MYO1C: variants seen among roughly 807,000 people sequenced by gnomAD.
MYO1C encodes unconventional myosin-Ic.
A neutral mutation model predicts 150.8 loss-of-function variants in MYO1C; 104 were observed. That is an observed-to-expected ratio of 0.69 (90% confidence interval 0.59 to 0.81). The LOEUF is 0.81. Ranked by LOEUF, MYO1C falls within the 30% of genes least tolerant of loss-of-function variation. The pLI, the probability that MYO1C is intolerant of heterozygous loss-of-function variation, is 0.00. For missense variants in MYO1C, 1,504 were observed against 1,435.0 expected (o/e 1.05, Z -0.78); for synonymous variants, 663 against 579.9 (o/e 1.14, Z -2.06).
chr17:1,488,200 G>T (rs930253105), intron 1 of MYO1C, among the ~76,000 whole-genome samples: 1 of 152,152 alleles, frequency 6.6e-6, no homozygotes, highest in Non-Finnish European at 1.5e-5. Flanking sequence ...GAATCCGCGC[G>T]CGGAGGGGTC....
chr17:1,479,412 G>C lies in MYO1C; in HGVS notation c.1092+19C>G. 2 of 1,211,730 alleles carry C rather than the reference G, an allele frequency of 1.7e-6. No individual in the cohort carries two copies. The highest frequency in any genetic ancestry group is 2.4e-6 in the Non-Finnish European group (2 of 844,752). 75.1% of individuals were successfully genotyped at this position (1,211,730 alleles called of 1,614,324 possible). ...GAACAGCTGCCCCTCCACACCCGAGGGCAAGGGCCCGGCCTCACCTCCTCC... is the reference window on the plus strand; with the variant it reads ...GAACAGCTGCCCCTCCACACCCGAGCGCAAGGGCCCGGCCTCACCTCCTCC... On this transcript the variant is annotated intron_variant, in intron 9 of 31. Coordinates refer to ENST00000648651, the MANE Select transcript of MYO1C (RefSeq NM_001080779.2). The surrounding 1 kb of genome is among the most constrained non-coding windows in gnomAD (Gnocchi z 4.2).
chr17:1,480,996 T>A, intron 5 of MYO1C, 111 bp from the exon 6 acceptor site: 2 of 1,205,108 alleles, frequency 1.7e-6, no homozygotes, highest in Non-Finnish European at 2.4e-6. Flanking sequence ...TGGATGCCAA[T>A]TCCAGCCCTG....
Position 1,491,560 on chromosome 17 carries a change from C to T in MYO1C, c.75+853G>A, listed in dbSNP as rs919135204. 8.6e-6 allele frequency: 8 copies of T among 931,838 alleles called. No homozygotes were observed. The African/African-American group carries it at 1.1e-4, about 12-fold the overall frequency. 57.7% of individuals were successfully genotyped at this position (931,838 alleles called of 1,614,324 possible). ...GGCCCGGCCGCCCGCTCCCCACACC[C>T]GCCCCCCGCGGCCGCCGTCCCCGCG... On this transcript the variant is annotated intron_variant, in intron 1 of 31. Transcript: ENST00000648651.
intron 1 of MYO1C, chr17:1,485,832 T>A (rs1305987663): frequency 9.7e-6 from 4 of 411,732 alleles, no homozygotes; most frequent in Admixed American, 7.0e-5. Context: ...CCCGGGCCCC[T>A]GAAGCGCGGG....
chr17:1,467,128 A>C, intron 31 of MYO1C, 114 bp downstream of exon 31: 1 of 979,974 alleles, frequency 1.0e-6, no homozygotes, highest in Non-Finnish European at 1.6e-6. Flanking sequence ...AAGAGGTGGT[A>C]TGATGGCCTC....
intron 30 of MYO1C, 29 bp downstream of exon 30, chr17:1,467,451 C>T (rs2074197714): frequency 6.2e-7 from 1 of 1,609,984 alleles, no homozygotes; most frequent in African/African-American, 1.3e-5. Context: ...CCACCCCCGC[C>T]CTGTCCCCGG....
intron 5 of MYO1C, 101 bp from the exon 6 acceptor site, chr17:1,480,986 T>G: frequency 7.5e-7 from 1 of 1,326,126 alleles, no homozygotes; most frequent in Non-Finnish European, 1.1e-6. Context: ...CAGCCAGACC[T>G]GGATGCCAAT....
chr17:1,468,200 T>A (rs1567514133), intron 27 of MYO1C, 53 bp downstream of exon 27: 4 of 1,610,994 alleles, frequency 2.5e-6, no homozygotes, highest in Non-Finnish European at 3.4e-6. Flanking sequence ...TGCCTTCAGC[T>A]CTCAGGCAGT....
At position 1,480,810 on chromosome 17, in the gene MYO1C, G is replaced by A. The variant is rs1355125284; in HGVS notation, c.703C>T (p.Arg235Trp). Residue 235 changes from arginine (R) to tryptophan (W), a missense_variant, in exon 6 of 32, where the codon CGG (arginine) becomes TGG (tryptophan). Physicochemically the swap from Arg to Trp is moderately radical, Grantham distance 101. Coordinates refer to ENST00000648651, the MANE Select transcript of MYO1C (RefSeq NM_001080779.2). ...AGCTGGTAGAAGATGTGGAAGTTCC[G>A]CTCCCCATGATTCTGGTGCACCACT... Reference protein sequence around the residue: ...SRVVHQNHGERNFHIFYQLLE... With the variant: ...SRVVHQNHGEWNFHIFYQLLE... 7.4e-6 allele frequency: 12 copies of A among 1,614,010 alleles called. No individual in the cohort carries two copies. The highest frequency in any genetic ancestry group is 4.5e-5 in the East Asian group (2 of 44,888).
Position 1,478,144 on chromosome 17 carries a change from G to A in MYO1C, c.1344C>T (p.Leu448=), listed in dbSNP as rs751767990. ...INYCNEKLQQ[L]FIELTLKSEQ... The stretch of plus-strand genomic sequence containing the variant: ...CCGACTTGAGCGTGAGCTCGATGAA[G>A]AGCTGCTGCAGCTTCTCGTTGCAGT... Residue 448 remains leucine, a synonymous_variant, in exon 12 of 32, where the codon CTC becomes CTT. Coordinates refer to ENST00000648651, the MANE Select transcript of MYO1C (RefSeq NM_001080779.2). The surrounding 1 kb of genome is among the most constrained non-coding windows in gnomAD (Gnocchi z 6.3). 26 of 1,614,096 alleles carry A rather than the reference G, an allele frequency of 1.6e-5. 1 individual carries two copies. The highest frequency in any genetic ancestry group is 1.7e-5 in the Admixed American group (1 of 60,034).
chr17:1,474,727 G>A (rs201952592), intron 16 of MYO1C, 37 bp from the exon 17 acceptor site: 4 of 1,613,206 alleles, frequency 2.5e-6, no homozygotes, highest in African/African-American at 2.7e-5. Flanking sequence ...TGGGGCACAG[G>A]GACAGGCAGG....
chr17:1,473,350 A>C (rs985001713), intron 17 of MYO1C, among the ~76,000 whole-genome samples: 6 of 152,088 alleles, frequency 3.9e-5, no homozygotes, highest in African/African-American at 1.4e-4. Flanking sequence ...CACCTAGGGG[A>C]AGAGGATGAG....
In MYO1C at chr17:1,468,091, C is replaced by T. The variant is rs765966686; in HGVS notation, c.2793G>A (p.Lys931=). ...YAVPVVKYDR[K]GYKPRSRQLL... ...GCTGCCGGGAGCGAGGCTTGTAGCC[C>T]TTGCGGTCGTATTTCACAACAGGCA... Residue 931 remains lysine (K), a synonymous_variant, in exon 28 of 32, where the codon AAG becomes AAA. Coordinates refer to ENST00000648651, the MANE Select transcript of MYO1C (RefSeq NM_001080779.2). 42 of 1,613,420 alleles carry T rather than the reference C, an allele frequency of 2.6e-5. No homozygotes were observed. Among genetic ancestry groups the T allele is most frequent in the African/African-American group, 5.3e-5 (4 of 74,834 alleles).
chr17:1,476,163 G>C (rs1032027529), intron 14 of MYO1C, among the ~76,000 whole-genome samples: 3 of 151,988 alleles, frequency 2.0e-5, no homozygotes, highest in Non-Finnish European at 4.4e-5. Flanking sequence ...TAGATTCAGA[G>C]AGACTCCTAG....
chr17:1,472,028 G>A lies in MYO1C; in HGVS notation c.1904-4C>T, dbSNP rs758687171. On this transcript the variant is annotated splice_polypyrimidine_tract_variant and splice_region_variant and intron_variant, in intron 18 of 31. Transcript: ENST00000648651. Reference sequence around the variant, plus strand: ...ATCAGCACCTCGTCAAAGCGGCCTGGGGTAGGGGGAGCGCCGTGGTCAGCG... The same window carrying A: ...ATCAGCACCTCGTCAAAGCGGCCTGAGGTAGGGGGAGCGCCGTGGTCAGCG... 1 of 1,613,948 alleles carries A rather than the reference G, an allele frequency of 6.2e-7. No individual in the cohort carries two copies. Among genetic ancestry groups the A allele is most frequent in the Non-Finnish European group, 8.5e-7 (1 of 1,179,920 alleles).
At chr17:1,489,547 G>A (rs991304962) in intron 1 of MYO1C, among the ~76,000 whole-genome samples, 2 of 152,080 alleles carry the variant, frequency 1.3e-5, no homozygotes, top group African/African-American at 4.8e-5. Context: ...GCCAGGCATG[G>A]TGTGTGCCTG....
rs777102473 is a variant in MYO1C at position 1,475,065 on chromosome 17, TG to T, written c.1575-34del. ...TGACAGGGAGGAAGCTGCAGATGGC[TG>T]CCGGCCTGAGCCAAGCCCTCTGCCT... On this transcript the variant is annotated intron_variant, in intron 14 of 31. Coordinates refer to ENST00000648651, the MANE Select transcript of MYO1C (RefSeq NM_001080779.2). The T allele has an allele frequency of 1.7e-5, 26 of 1,547,916 alleles. No individual in the cohort carries two copies. In the South Asian group the frequency reaches 3.0e-4, roughly 18 times the overall value.
intron 25 of MYO1C, 137 bp from the exon 26 acceptor site, chr17:1,468,633 G>A (rs1301517025): frequency 2.8e-6 from 2 of 707,342 alleles, no homozygotes; most frequent in Non-Finnish European, 5.0e-6. Flanking sequence ...AGGAGGCTGA[G>A]CCCTGCCCCC....
rs1050657404 is a variant in MYO1C at position 1,465,637 on chromosome 17, G to A, written c.*89C>T. On this transcript the variant is annotated 3_prime_UTR_variant, in exon 32 of 32. Transcript: ENST00000648651. The stretch of plus-strand genomic sequence containing the variant: ...GGCTTCGGGGTGTCCCTGGGTCCCT[G>A]TCTGGAAGTTCGAGTCTTTGGTAAC... The A allele has an allele frequency of 4.7e-6, 6 of 1,266,514 alleles. No individual in the cohort carries two copies. In the African/African-American group the frequency reaches 9.2e-5, roughly 19 times the overall value. 78.5% of individuals were successfully genotyped at this position (1,266,514 alleles called of 1,614,324 possible).
Sources: allele counts gnomAD v4.1 joint callset (sites outside exome capture counted in the v4.1 genomes callset), GRCh38; gene constraint gnomAD v4.1.1; non-coding constraint Gnocchi (gnomAD v3.1); transcripts MANE v1.5; gene names NCBI Gene and HGNC (gene_info 2026-07-23, HGNC 2026-07-21).